The following MYO18B variants were observed in gnomAD, a reference collection of about 807,000 sequenced individuals.
The protein encoded by MYO18B is myosin XVIIIB.
Under a neutral mutation model 273.0 loss-of-function variants are expected in MYO18B, and 204 were observed. The ratio of observed to expected loss-of-function variants is 0.75; its 90% CI spans 0.67 to 0.84. The LOEUF is 0.84. Among genes scored for constraint, MYO18B ranks in the 40% least tolerant of loss-of-function variants. The probability of loss-of-function intolerance (pLI) is 0.00; values close to 1 mark genes in which losing one functional copy is unlikely to be tolerated. For missense variants in MYO18B, 3,212 were observed against 3,287.6 expected (o/e 0.98, Z 0.56); for synonymous variants, 1,330 against 1,305.7 (o/e 1.02, Z -0.40).
At chr22:25,774,278 G>A (rs1329120029) in intron 7 of MYO18B, among the ~76,000 whole-genome samples, 1 of 152,168 alleles carries the variant, frequency 6.6e-6, no homozygotes, top group Non-Finnish European at 1.5e-5. Context: ...GGCCTGGGAG[G>A]ACCTCAGAAG....
At chr22:25,906,294 A>T (rs2092041445) in intron 31 of MYO18B, among the ~76,000 whole-genome samples, 1 of 138,984 alleles carries the variant, frequency 7.2e-6, no homozygotes, top group African/African-American at 2.5e-5. Context: ...ATGAAAAAGA[A>T]ATATTATAGT....
intron 2 of MYO18B, among the ~76,000 whole-genome samples, chr22:25,761,336 C>T (rs2086307247): frequency 9.8e-6 from 1 of 101,758 alleles, no homozygotes; most frequent in Non-Finnish European, 1.8e-5. Context: ...TGGCCATACC[C>T]TTGACGCCCC....
intron 39 of MYO18B, among the ~76,000 whole-genome samples, chr22:25,981,856 C>T (rs1391033734): frequency 2.0e-5 from 3 of 152,206 alleles, no homozygotes; most frequent in Admixed American, 6.5e-5. Context: ...GACACTGAAG[C>T]AGCTCAGCGG....
intron 34 of MYO18B, among the ~76,000 whole-genome samples, chr22:25,937,845 A>G (rs1407215030): frequency 6.6e-6 from 1 of 152,168 alleles, no homozygotes; most frequent in Non-Finnish European, 1.5e-5. Context: ...TCGGCCTTCC[A>G]AAATGCTGGG....
rs777558952 is a variant in MYO18B, at chr22:26,026,913, C to T, written c.6939C>T (p.Ile2313=). The change falls in exon 43 of 44, where the codon ATC becomes ATT. Residue 2313 remains isoleucine (I), a synonymous_variant. Coordinates refer to ENST00000335473, the MANE Select transcript of MYO18B (RefSeq NM_032608.7). ...TTGGGGCAAAGTCACCCCTGGAAAT[C>T]GAAGGGGCCGCTGGTGGTCTCTTGA... The part of the protein sequence containing the change: ...LRVGAKSPLE[I]EGAAGGLLRS... 4.3e-5 allele frequency: 69 copies of T among 1,607,680 alleles called. No individual in the cohort carries two copies. The highest frequency in any genetic ancestry group is 5.4e-5 in the Non-Finnish European group (64 of 1,175,962).
intron 40 of MYO18B, among the ~76,000 whole-genome samples, chr22:25,993,134 T>C (rs995104794): frequency 6.6e-6 from 1 of 152,110 alleles, no homozygotes; most frequent in Admixed American, 6.5e-5. Flanking sequence ...TTTCACCATC[T>C]CTGCTTGAAT....
rs932260746 is a variant in MYO18B at position 25,895,075 on chromosome 22, G to C, written c.4544-81G>C. The stretch of plus-strand genomic sequence containing the variant: ...TGTGAAATTGCATGCCAAGAGCCAA[G>C]AAAGTGGAGGAGAGCCACTCACACT... On this transcript the variant is annotated intron_variant, in intron 27 of 43. Transcript: ENST00000335473. 5.3e-6 allele frequency: 8 copies of C among 1,513,122 alleles called. No individual in the cohort carries two copies. In the African/African-American group the frequency reaches 1.1e-4, roughly 21 times the overall value. The allele number at this position is 1,513,122 out of a possible 1,614,324, so 93.7% of individuals were successfully genotyped here.
intron 11 of MYO18B, among the ~76,000 whole-genome samples, chr22:25,795,048 G>A (rs898033781): frequency 2.6e-5 from 4 of 152,166 alleles, no homozygotes; most frequent in Non-Finnish European, 2.9e-5. Context: ...ACTCCACACT[G>A]GGTCTGTGAG....
chr22:25,902,371 T>A (rs1482322940), intron 29 of MYO18B, among the ~76,000 whole-genome samples: 1 of 152,214 alleles, frequency 6.6e-6, no homozygotes, highest in Non-Finnish European at 1.5e-5. Context: ...CAAGTCTACC[T>A]CAACCCTAAA....
At chr22:25,999,575 C>T (rs1933714734) in intron 40 of MYO18B, among the ~76,000 whole-genome samples, 2 of 109,226 alleles carry the variant, frequency 1.8e-5, no homozygotes, top group African/African-American at 7.2e-5. Context: ...CCTCCTCTTC[C>T]CCCTCCTCCT....
At chr22:26,014,030 T>G (rs1249567406) in intron 42 of MYO18B, among the ~76,000 whole-genome samples, 2 of 152,220 alleles carry the variant, frequency 1.3e-5, no homozygotes, top group Admixed American at 1.3e-4. Context: ...AATGTTTTCC[T>G]TTATGGTTGG....
At chr22:25,882,373 A>T (rs1175705127) in intron 25 of MYO18B, among the ~76,000 whole-genome samples, 2 of 152,136 alleles carry the variant, frequency 1.3e-5, no homozygotes, top group Non-Finnish European at 2.9e-5. Flanking sequence ...AAAAAAAGAA[A>T]CACCTGTTAC....
At chr22:26,020,919 T>C (rs1395723646) in intron 42 of MYO18B, among the ~76,000 whole-genome samples, 2 of 152,080 alleles carry the variant, frequency 1.3e-5, no homozygotes, top group East Asian at 1.9e-4. Context: ...TGAAACCCTA[T>C]CTCTACTAAA....
At chr22:25,914,382 AT>A (rs1412526835) in intron 33 of MYO18B, among the ~76,000 whole-genome samples, 2 of 151,958 alleles carry the variant, frequency 1.3e-5, no homozygotes, top group Non-Finnish European at 2.9e-5. Context: ...TGCCCTCTCC[AT>A]TTATTTGTGG....
the MYO18B span, among the ~76,000 whole-genome samples, chr22:26,052,854 G>A: frequency 6.6e-6 from 1 of 150,670 alleles, no homozygotes; most frequent in Non-Finnish European, 1.5e-5. Context: ...TCAGGCTGGA[G>A]TGCAGTGGCG....
intron 29 of MYO18B, among the ~76,000 whole-genome samples, chr22:25,901,806 G>GTTTTTTTTT (rs34278088): frequency 2.2e-5 from 2 of 92,198 alleles, no homozygotes; most frequent in Non-Finnish European, 4.1e-5. Flanking sequence ...TTTTGGGTTG[G>GTTTTTTTTT]TTTTTTTTTT....
At chr22:25,792,050 G>A (rs2087684274) in intron 11 of MYO18B, among the ~76,000 whole-genome samples, 1 of 152,182 alleles carries the variant, frequency 6.6e-6, no homozygotes, top group African/African-American at 2.4e-5. Context: ...GTGCTCTAAG[G>A]TCTGGTCCAC....
chr22:25,949,881 C>T (rs892191845), intron 36 of MYO18B, among the ~76,000 whole-genome samples: 1 of 152,154 alleles, frequency 6.6e-6, no homozygotes. Flanking sequence ...TTAAAAAAAA[C>T]CTTTACTCTC....
chr22:25,832,954 C>G lies in MYO18B; in HGVS notation c.3017C>G (p.Ser1006Cys). Reference protein sequence around the residue: ...VPVQFDLPDPSPGTTVAVVDQ... With the variant: ...VPVQFDLPDPCPGTTVAVVDQ... ...GTGCAGTTTGACCTCCCGGACCCCT[C>G]CCCAGGGACCACCGTGGCTGTTGTG... is the stretch of plus-strand genomic sequence containing the variant. The change falls in exon 16 of 44, where the codon TCC becomes TGC. Residue 1006 changes from serine to cysteine, a missense_variant. Coordinates refer to ENST00000335473, the MANE Select transcript of MYO18B (RefSeq NM_032608.7). 6.2e-7 allele frequency: 1 copy of G among 1,613,830 alleles called. No individual in the cohort carries two copies. The highest frequency in any genetic ancestry group is 8.5e-7 in the Non-Finnish European group (1 of 1,179,866).
Sources: allele counts gnomAD v4.1 joint callset (sites outside exome capture counted in the v4.1 genomes callset), GRCh38; gene constraint gnomAD v4.1.1; transcripts MANE v1.5; gene names NCBI Gene and HGNC (gene_info 2026-07-23, HGNC 2026-07-21).